Variants in CDH23 observed in about 807,000 individuals in gnomAD.
The protein encoded by CDH23 is cadherin related 23.
CDH23 carries 189 observed loss-of-function variants against 317.1 expected under a neutral mutation model. The ratio of observed to expected loss-of-function variants is 0.60; its 90% CI spans 0.53 to 0.67. The LOEUF is 0.67. Ranked by LOEUF, CDH23 falls within the 30% of genes least tolerant of loss-of-function variation. The probability of loss-of-function intolerance (pLI) is 0.00; values close to 1 mark genes in which losing one functional copy is unlikely to be tolerated. For synonymous variants in CDH23, 1,839 were observed against 1,876.8 expected, an observed-to-expected ratio of 0.98 and a Z score of 0.52; for missense variants, 4,401 against 4,592.4, an observed-to-expected ratio of 0.96 and a Z score of 1.20.
In CDH23 at chr10:71,810,524, T is replaced by C; in HGVS notation, c.9032T>C (p.Ile3011Thr). The change falls in exon 62 of 70, where the codon ATC becomes ACC. Residue 3011 changes from isoleucine (I) to threonine (T), a missense_variant. By Grantham distance (89) the Ile-to-Thr change is moderately conservative. Coordinates refer to ENST00000224721, the MANE Select transcript of CDH23 (RefSeq NM_022124.6). ...RVNFAQTELL[I>T]HVVNRDTNRI... Reference sequence around the variant, plus strand: ...AACTTTGCGCAGACAGAACTGCTTATCCACGTGGTGAACCGCGATACCAAC... The same window carrying C: ...AACTTTGCGCAGACAGAACTGCTTACCCACGTGGTGAACCGCGATACCAAC... 1 of 1,613,944 alleles carries C rather than the reference T, an allele frequency of 6.2e-7. No individual in the cohort carries two copies. The highest frequency in any genetic ancestry group is 1.1e-5 in the South Asian group (1 of 91,074).
In CDH23 at chr10:71,741,868, A is replaced by G. The variant is rs1203367843; in HGVS notation, c.4792A>G (p.Ser1598Gly). 3.1e-6 allele frequency: 5 copies of G among 1,610,498 alleles called. No homozygotes were observed. The highest frequency in any genetic ancestry group is 4.2e-6 in the Non-Finnish European group (5 of 1,178,750). ...TGCCCCGCCTGACCGCGAGCGCCAG[A>G]GCTTCTACCACCTGGTGGCCACTGT... ...RPAPPDRERQ[S>G]FYHLVATVED... The change falls in exon 38 of 70, where the codon AGC becomes GGC. Residue 1598 changes from serine to glycine, a missense_variant. Physicochemically the swap from Ser to Gly is moderately conservative, Grantham distance 56. Around this residue, in one of 3 missense-constraint regions of CDH23, gnomAD observed 3,068 missense variants for 3,203.3 expected, o/e 0.96. Transcript: ENST00000224721.
intron 11 of CDH23, among the ~76,000 whole-genome samples, chr10:71,622,454 G>T (rs1002833196): frequency 6.6e-6 from 1 of 152,074 alleles, no homozygotes; most frequent in Non-Finnish European, 1.5e-5. Flanking sequence ...CTCCACTTAG[G>T]CGCCAGTGGA....
Position 71,397,145 on chromosome 10 carries a change from G to GGCGAGCC in CDH23, c.-173_-172insCGCGAGC, listed in dbSNP as rs1847553825. On this transcript the variant is annotated 5_prime_UTR_variant, in exon 1 of 70. Coordinates refer to ENST00000224721, the MANE Select transcript of CDH23 (RefSeq NM_022124.6). The surrounding 1 kb of genome is among the most constrained non-coding windows in gnomAD (Gnocchi z 4.8). The stretch of plus-strand genomic sequence containing the variant: ...AAGTTGCGAGCGGCGAGCGGCGAGC[G>GGCGAGCC]GCGAGCGGCCCGCGGAGACCCAGGA... The GGCGAGCC allele has an allele frequency of 5.3e-6, 1 of 187,304 alleles. No individual in the cohort carries two copies. The highest frequency in any genetic ancestry group is 1.1e-5 in the Non-Finnish European group (1 of 92,448). 11.6% of individuals were successfully genotyped at this position (187,304 alleles called of 1,614,324 possible). A position where few individuals can be genotyped will look rare whatever the true frequency, so the allele number is the denominator to read the frequency against.
chr10:71,617,096 A>G, intron 10 of CDH23, 109 bp from the exon 11 acceptor site: 1 of 1,412,524 alleles, frequency 7.1e-7, no homozygotes, highest in Non-Finnish European at 9.6e-7. Flanking sequence ...ATTAGATGGG[A>G]TCATTCACAT....
chr10:71,609,995 T>TGTGAGAGA (rs3222215), intron 9 of CDH23, among the ~76,000 whole-genome samples: 57 of 140,918 alleles, frequency 4.0e-4, no homozygotes, highest in African/African-American at 1.4e-3. Flanking sequence ...TGTGTGTGTG[T>TGTGAGAGA]GAGAGAGACA....
chr10:71,811,285 G>T, intron 62 of CDH23, 30 bp from the exon 63 acceptor site: 1 of 1,613,510 alleles, frequency 6.2e-7, no homozygotes, highest in East Asian at 2.2e-5. Context: ...TGGCTGAGGA[G>T]GAGAGCTGAG....
intron 19 of CDH23, 99 bp downstream of exon 19, chr10:71,687,818 G>A: frequency 1.7e-6 from 2 of 1,145,640 alleles, no homozygotes; most frequent in Non-Finnish European, 2.6e-6. Flanking sequence ...CACAAATTGT[G>A]GGAGGTCCAT....
intron 48 of CDH23, 106 bp from the exon 49 acceptor site, chr10:71,796,998 C>A (rs1299055991): frequency 1.4e-6 from 1 of 709,978 alleles, no homozygotes; most frequent in Non-Finnish European, 2.5e-6. Flanking sequence ...TACTGGGGAC[C>A]GTCATCCTTT....
intron 38 of CDH23, among the ~76,000 whole-genome samples, chr10:71,768,515 C>G (rs545992652): frequency 6.6e-6 from 1 of 151,326 alleles, no homozygotes; most frequent in African/African-American, 2.4e-5. Flanking sequence ...GCTCTTCACT[C>G]AGGCTGGAAT....
chr10:71,552,425 C>T (rs939194625), intron 6 of CDH23, among the ~76,000 whole-genome samples: 6 of 152,218 alleles, frequency 3.9e-5, no homozygotes, highest in African/African-American at 1.2e-4. Flanking sequence ...GCCCTGCAGT[C>T]CTGGCACATG....
At chr10:71,662,838 C>T (rs893321412) in intron 14 of CDH23, among the ~76,000 whole-genome samples, 1 of 152,230 alleles carries the variant, frequency 6.6e-6, no homozygotes, top group South Asian at 2.1e-4. Flanking sequence ...AATGTATTCT[C>T]CTGCAGCTCT....
At chr10:71,737,465 G>A (rs1254926023) in intron 34 of CDH23, among the ~76,000 whole-genome samples, 2 of 152,244 alleles carry the variant, frequency 1.3e-5, no homozygotes, top group East Asian at 3.8e-4. Context: ...AGATAGGGGA[G>A]TGTGGCTGGG....
At chr10:71,713,409 A>G in intron 28 of CDH23, 1 of 641,466 alleles carries the variant, frequency 1.6e-6, no homozygotes, top group South Asian at 1.8e-5. Flanking sequence ...CTCTTTACCA[A>G]CTATGGGGTT....
At chr10:71,664,931 A>G (rs1418856163) in intron 14 of CDH23, among the ~76,000 whole-genome samples, 1 of 148,812 alleles carries the variant, frequency 6.7e-6, no homozygotes, top group African/African-American at 2.5e-5. Context: ...CCCCATCATC[A>G]TCTTTCTGAT....
intron 66 of CDH23, chr10:71,812,268 G>A: frequency 6.3e-7 from 1 of 1,599,244 alleles, no homozygotes; most frequent in Non-Finnish European, 8.5e-7. Flanking sequence ...TGAAGCCTCT[G>A]CACCAAAGGC....
chr10:71,761,227 A>G (rs1448801588), intron 38 of CDH23, among the ~76,000 whole-genome samples: 1 of 152,116 alleles, frequency 6.6e-6, no homozygotes, highest in Non-Finnish European at 1.5e-5. Flanking sequence ...TATATTCTCC[A>G]ACAGCCATTC....
chr10:71,733,582 G>A (rs1169992852), intron 32 of CDH23, among the ~76,000 whole-genome samples: 1 of 152,116 alleles, frequency 6.6e-6, no homozygotes, highest in Non-Finnish European at 1.5e-5. Flanking sequence ...CCAGGAACCA[G>A]GGACAGAGAC....
intron 3 of CDH23, among the ~76,000 whole-genome samples, chr10:71,451,811 C>T (rs764678195): frequency 3.3e-5 from 5 of 152,192 alleles, no homozygotes; most frequent in Non-Finnish European, 7.4e-5. Context: ...GCCTGGTGTG[C>T]GCCTGGAACT....
chr10:71,537,805 C>T (rs913605603), intron 6 of CDH23, among the ~76,000 whole-genome samples: 5 of 152,192 alleles, frequency 3.3e-5, no homozygotes, highest in Admixed American at 2.6e-4. Context: ...AACATCACTT[C>T]GTTTCCCTCT....
Sources: gnomAD v4.1 joint callset for allele counts (sites outside exome capture counted in the v4.1 genomes callset) on GRCh38, gnomAD v4.1.1 for gene constraint, gnomAD v4.1.1 regional missense constraint, Gnocchi (gnomAD v3.1) non-coding constraint, MANE v1.5 for transcripts, NCBI Gene and HGNC (gene_info 2026-07-23, HGNC 2026-07-21) for gene names.